SLC44A5: variants seen among roughly 807,000 people sequenced by gnomAD.
SLC44A5 encodes choline transporter-like protein 5.
A neutral mutation model predicts 101.8 loss-of-function variants in SLC44A5; 57 were observed. The observed-to-expected ratio is 0.56, with a 90% CI of 0.45 to 0.70. The LOEUF (loss-of-function observed/expected upper bound fraction) is 0.70. SLC44A5 is among the 30% of genes least tolerant of loss of function. The pLI is 0.00. For synonymous variants in SLC44A5, 281 were observed against 290.9 expected (o/e 0.97, Z 0.35); for missense variants, 737 against 853.1 (o/e 0.86, Z 1.70).
At chr1:75,708,486 T>C in the SLC44A5 span, among the ~76,000 whole-genome samples, 2 of 151,246 alleles carry the variant, frequency 1.3e-5, no homozygotes, top group African/African-American at 4.9e-5. Context: ...CAGGATTATG[T>C]GCCAAAGAAA....
the SLC44A5 span, among the ~76,000 whole-genome samples, chr1:75,624,945 T>C: frequency 6.6e-6 from 1 of 152,070 alleles, no homozygotes; most frequent in African/African-American, 2.4e-5. Flanking sequence ...CGTGCACCAG[T>C]CACTGTTCGG....
chr1:75,674,087 CAGAG>C, the SLC44A5 span, among the ~76,000 whole-genome samples: 2 of 151,740 alleles, frequency 1.3e-5, no homozygotes, highest in East Asian at 1.9e-4. Flanking sequence ...GCACCAGTCA[CAGAG>C]AGAGAGAGAT....
chr1:75,521,478 G>C (rs1335074525), intron 2 of SLC44A5: 1 of 152,170 alleles, frequency 6.6e-6, no homozygotes, highest in Admixed American at 6.5e-5. Flanking sequence ...ATTTTATAGT[G>C]ATTAAAGAGC....
intron 4 of SLC44A5, among the ~76,000 whole-genome samples, chr1:75,314,081 T>C (rs557064410): frequency 2.0e-5 from 3 of 152,334 alleles, no homozygotes; most frequent in African/African-American, 7.2e-5. Context: ...TTTTACTTTA[T>C]AGTTTAAATA....
intron 2 of SLC44A5, among the ~76,000 whole-genome samples, chr1:75,456,574 G>T (rs896784116): frequency 2.6e-5 from 4 of 152,168 alleles, no homozygotes; most frequent in Admixed American, 1.3e-4. Context: ...ACTACATTTG[G>T]CTGATAGTCT....
chr1:75,629,222 T>C, the SLC44A5 span, among the ~76,000 whole-genome samples: 1 of 151,886 alleles, frequency 6.6e-6, no homozygotes, highest in Non-Finnish European at 1.5e-5. Context: ...TCCCAGAAGA[T>C]AAGAGAGAGG....
chr1:75,248,744 G>T (rs1649323884), intron 7 of SLC44A5, among the ~76,000 whole-genome samples: 1 of 152,094 alleles, frequency 6.6e-6, no homozygotes, highest in South Asian at 2.1e-4. Flanking sequence ...AATGGTTGTT[G>T]TATGTTTTTC....
chr1:75,255,811 T>C (rs1266430601), intron 6 of SLC44A5, among the ~76,000 whole-genome samples: 2 of 152,166 alleles, frequency 1.3e-5, no homozygotes. Context: ...TGAATTCTAC[T>C]GGCATTAGAC....
At chr1:75,719,745 T>C in the SLC44A5 span, among the ~76,000 whole-genome samples, 1 of 152,220 alleles carries the variant, frequency 6.6e-6, no homozygotes, top group Non-Finnish European at 1.5e-5. Flanking sequence ...TTTGTTGTTT[T>C]ACTTCCGAGA....
At chr1:75,214,793 T>C in intron 19 of SLC44A5, 115 bp from the exon 20 acceptor site, 1 of 761,786 alleles carries the variant, frequency 1.3e-6, no homozygotes, top group Non-Finnish European at 2.1e-6. Context: ...TAGAGCTATC[T>C]CCACTCTTTT....
chr1:75,325,496 A>C (rs933718477), intron 4 of SLC44A5, among the ~76,000 whole-genome samples: 1 of 151,544 alleles, frequency 6.6e-6, no homozygotes, highest in South Asian at 2.1e-4. Flanking sequence ...TCGCTTTCCA[A>C]GGTTTCAGTT....
At chr1:75,581,056 A>G (rs1464618279) in intron 1 of SLC44A5, among the ~76,000 whole-genome samples, 1 of 152,230 alleles carries the variant, frequency 6.6e-6, no homozygotes, top group Non-Finnish European at 1.5e-5. Context: ...TTAAGGCAAT[A>G]AAATTTTTAA....
the SLC44A5 span, among the ~76,000 whole-genome samples, chr1:75,685,321 G>C: frequency 1.3e-5 from 2 of 152,102 alleles, no homozygotes; most frequent in East Asian, 3.9e-4. Context: ...ATTAGCATTT[G>C]GATCCTCATT....
chr1:75,435,208 TC>T (rs1303244118), intron 2 of SLC44A5, among the ~76,000 whole-genome samples: 1 of 152,126 alleles, frequency 6.6e-6, no homozygotes, highest in African/African-American at 2.4e-5. Context: ...GCTACCTCCA[TC>T]CCCAAAAGCA....
intron 2 of SLC44A5, among the ~76,000 whole-genome samples, chr1:75,523,807 G>A (rs529631181): frequency 6.6e-6 from 1 of 152,320 alleles, no homozygotes; most frequent in Admixed American, 6.5e-5. Context: ...GAGTGGCAAT[G>A]CTACTGGCAT....
At chr1:75,340,026 T>C (rs912311014) in intron 3 of SLC44A5, among the ~76,000 whole-genome samples, 3 of 152,206 alleles carry the variant, frequency 2.0e-5, no homozygotes, top group African/African-American at 7.2e-5. Flanking sequence ...AGATGCCTCC[T>C]TATCCCAGCT....
At chr1:75,548,043 AT>A (rs1197528883) in intron 1 of SLC44A5, among the ~76,000 whole-genome samples, 1 of 152,144 alleles carries the variant, frequency 6.6e-6, no homozygotes, top group Non-Finnish European at 1.5e-5. Context: ...TATACTTTTT[AT>A]TTTAATACTT....
At chr1:75,350,611 C>A (rs528160080) in intron 3 of SLC44A5, among the ~76,000 whole-genome samples, 1 of 151,194 alleles carries the variant, frequency 6.6e-6, no homozygotes, top group Non-Finnish European at 1.5e-5. Flanking sequence ...AAGGTTGAAA[C>A]AGACTGGGCC....
rs538909315 is a variant in SLC44A5, at chr1:75,401,330, C to T, written c.14-4709G>A. On this transcript the variant is annotated intron_variant, in intron 2 of 23. Transcript: ENST00000370859. ...ATAGGTGAACAAGAGAATCTCTGTC[C>T]TCATGGAGTTTTTTATAATGCATCA... is the stretch of plus-strand genomic sequence containing the variant. Among the ~76,000 whole-genome samples the T allele has an allele frequency of 1.0e-3, 156 of 152,262 alleles. 3 individuals carry two copies. The highest frequency in any genetic ancestry group is 3.4e-4 in the Non-Finnish European group (23 of 68,034).
Sources: gnomAD v4.1 joint callset for allele counts (sites outside exome capture counted in the v4.1 genomes callset) on GRCh38, gnomAD v4.1.1 for gene constraint, MANE v1.5 for transcripts, NCBI Gene and HGNC (gene_info 2026-07-23, HGNC 2026-07-21) for gene names.